DSCAML1: variants seen among roughly 807,000 people sequenced by gnomAD.
DSCAML1 encodes cell adhesion molecule DSCAML1.
Under a neutral mutation model 200.5 loss-of-function variants are expected in DSCAML1, and 38 were observed. The ratio of observed to expected loss-of-function variants is 0.19; its 90% CI spans 0.15 to 0.25. The LOEUF (loss-of-function observed/expected upper bound fraction) is 0.25, where lower values mean the gene tolerates loss of function less well. DSCAML1 is among the 10% of genes least tolerant of loss of function. The pLI is 1.00. For synonymous variants in DSCAML1, 1,215 were observed against 1,165.0 expected (o/e 1.04, Z -0.87); for missense variants, 2,223 against 2,858.8 (o/e 0.78, Z 5.07).
At chr11:117,785,844 T>C (rs557641335) in intron 1 of DSCAML1, among the ~76,000 whole-genome samples, 8 of 152,128 alleles carry the variant, frequency 5.3e-5, no homozygotes, top group Admixed American at 1.3e-4. Flanking sequence ...GGCCCATTAG[T>C]CTCATTTTAA....
At chr11:117,559,712 G>A (rs973216155) in intron 3 of DSCAML1, among the ~76,000 whole-genome samples, 5 of 152,098 alleles carry the variant, frequency 3.3e-5, no homozygotes, top group African/African-American at 1.2e-4. Context: ...ATGAAGAGGC[G>A]CTCTTCAGAC....
chr11:117,693,353 G>A (rs941895583), intron 3 of DSCAML1, among the ~76,000 whole-genome samples: 2 of 152,198 alleles, frequency 1.3e-5, no homozygotes, highest in Non-Finnish European at 2.9e-5. Context: ...AAGGTGTTTC[G>A]GATCTTGATT....
chr11:117,590,637 C>T (rs985308829), intron 3 of DSCAML1, among the ~76,000 whole-genome samples: 1 of 152,132 alleles, frequency 6.6e-6, no homozygotes, highest in African/African-American at 2.4e-5. Context: ...AGGACTGAGG[C>T]CAGAATATTA....
intron 3 of DSCAML1, among the ~76,000 whole-genome samples, chr11:117,658,838 GAT>G (rs1393699221): frequency 5.9e-5 from 9 of 152,178 alleles, no homozygotes; most frequent in Non-Finnish European, 1.0e-4. Flanking sequence ...CCAACATCCA[GAT>G]ACTCCTTACT....
At chr11:117,809,546 G>A (rs530364495) in intron 1 of DSCAML1, among the ~76,000 whole-genome samples, 2 of 150,734 alleles carry the variant, frequency 1.3e-5, no homozygotes, top group East Asian at 1.9e-4. Context: ...CATAGACGGC[G>A]GCCACTCAAA....
intron 3 of DSCAML1, among the ~76,000 whole-genome samples, chr11:117,723,636 G>T (rs1350183067): frequency 2.0e-5 from 3 of 152,194 alleles, no homozygotes; most frequent in African/African-American, 7.2e-5. Flanking sequence ...TTAGAAGCCT[G>T]CCCGGGGTTG....
chr11:117,439,705 G>A, intron 22 of DSCAML1, 114 bp downstream of exon 22: 2 of 1,037,490 alleles, frequency 1.9e-6, no homozygotes, highest in Non-Finnish European at 2.9e-6. Flanking sequence ...GGCCTCTGCA[G>A]GCCTGGAGGC....
At chr11:117,644,677 C>T (rs2052484627) in intron 3 of DSCAML1, among the ~76,000 whole-genome samples, 1 of 152,252 alleles carries the variant, frequency 6.6e-6, no homozygotes, top group South Asian at 2.1e-4. Flanking sequence ...GGAGTCCGCT[C>T]AGCCGTGCAG....
At chr11:117,742,735 C>T (rs1410811847) in intron 3 of DSCAML1, among the ~76,000 whole-genome samples, 2 of 152,170 alleles carry the variant, frequency 1.3e-5, no homozygotes, top group Non-Finnish European at 2.9e-5. Flanking sequence ...CTCCTCAGAT[C>T]CTATTCTGTC....
At chr11:117,432,261 T>A in intron 30 of DSCAML1, 91 bp downstream of exon 30, 1 of 1,383,870 alleles carries the variant, frequency 7.2e-7, no homozygotes, top group Non-Finnish European at 9.6e-7. Context: ...AGCTCCCTCC[T>A]CCCTTTAAAA....
chr11:117,757,738 T>A (rs1160089559), intron 3 of DSCAML1, among the ~76,000 whole-genome samples: 2 of 151,964 alleles, frequency 1.3e-5, no homozygotes, highest in Non-Finnish European at 2.9e-5. Context: ...CAAAATCACC[T>A]CAAGCATTTT....
At chr11:117,658,838 G>T (rs1388094150) in intron 3 of DSCAML1, among the ~76,000 whole-genome samples, 2 of 152,178 alleles carry the variant, frequency 1.3e-5, no homozygotes, top group African/African-American at 2.4e-5. Flanking sequence ...CCAACATCCA[G>T]ATACTCCTTA....
intron 3 of DSCAML1, among the ~76,000 whole-genome samples, chr11:117,748,122 C>T (rs1008218278): frequency 1.3e-5 from 2 of 152,154 alleles, no homozygotes; most frequent in Admixed American, 6.5e-5. Context: ...GCCTCCTACA[C>T]AATATGGCGG....
chr11:117,799,693 G>C (rs969701853), upstream of DSCAML1, among the ~76,000 whole-genome samples: 15 of 152,228 alleles, frequency 9.9e-5, no homozygotes, highest in African/African-American at 3.6e-4. Context: ...CCTCAGCCCA[G>C]CTCTGCCACT....
intron 3 of DSCAML1, among the ~76,000 whole-genome samples, chr11:117,652,731 CGAT>C (rs1389697417): frequency 6.6e-6 from 1 of 152,162 alleles, no homozygotes; most frequent in Non-Finnish European, 1.5e-5. Flanking sequence ...TGCCCAGTCA[CGAT>C]GATAACCGTG....
chr11:117,751,002 C>T (rs2054596055), intron 3 of DSCAML1, among the ~76,000 whole-genome samples: 1 of 152,130 alleles, frequency 6.6e-6, no homozygotes, highest in South Asian at 2.1e-4. Context: ...GCTCCTTACC[C>T]AGGCCTCGTG....
At chr11:117,474,525 G>A (rs769650465) in intron 14 of DSCAML1, among the ~76,000 whole-genome samples, 3 of 151,942 alleles carry the variant, frequency 2.0e-5, no homozygotes, top group Non-Finnish European at 4.4e-5. Context: ...CTCTCCTTCC[G>A]ACTCCAGACC....
intron 3 of DSCAML1, among the ~76,000 whole-genome samples, chr11:117,540,641 T>A (rs1222315379): frequency 6.8e-6 from 1 of 146,908 alleles, no homozygotes; most frequent in Non-Finnish European, 1.5e-5. Context: ...ATTTGAACAA[T>A]GAAATCACTT....
At chr11:117,639,617 C>G (rs1380622107) in intron 3 of DSCAML1, among the ~76,000 whole-genome samples, 1 of 152,086 alleles carries the variant, frequency 6.6e-6, no homozygotes, top group African/African-American at 2.4e-5. Flanking sequence ...AAGAGGTCCC[C>G]CATCCTTGGA....
Sources: gnomAD v4.1 joint callset for allele counts (sites outside exome capture counted in the v4.1 genomes callset) on GRCh38, gnomAD v4.1.1 for gene constraint, MANE v1.5 for transcripts, NCBI Gene and HGNC (gene_info 2026-07-23, HGNC 2026-07-21) for gene names.